The following MYO16 variants were observed in gnomAD, a reference collection of about 807,000 sequenced individuals.
The protein encoded by MYO16 is unconventional myosin-XVI.
A neutral mutation model predicts 205.3 loss-of-function variants in MYO16; 94 were observed. The observed-to-expected ratio is 0.46, with a 90% confidence interval of 0.39 to 0.54. The LOEUF (loss-of-function observed/expected upper bound fraction) is 0.54, where lower values mean the gene tolerates loss of function less well. MYO16 is among the 20% of genes least tolerant of loss of function. The pLI is 0.00. For missense variants in MYO16, 2,315 were observed against 2,387.5 expected (o/e 0.97, Z 0.63); for synonymous variants, 988 against 954.0 (o/e 1.04, Z -0.66).
chr13:108,989,838 A>G (rs1219614126), intron 20 of MYO16, among the ~76,000 whole-genome samples: 1 of 152,142 alleles, frequency 6.6e-6, no homozygotes, highest in Non-Finnish European at 1.5e-5. Context: ...TAATTTTAAT[A>G]AGATTGATAC....
intron 27 of MYO16, among the ~76,000 whole-genome samples, chr13:109,057,832 A>G (rs557390458): frequency 6.6e-6 from 1 of 152,132 alleles, no homozygotes; most frequent in Admixed American, 6.6e-5. Context: ...CCTGGTTTGT[A>G]GCTCCAGAGA....
chr13:108,715,227 G>A (rs940872554), intron 3 of MYO16, among the ~76,000 whole-genome samples: 2 of 152,146 alleles, frequency 1.3e-5, no homozygotes, highest in African/African-American at 2.4e-5. Context: ...CTCTTGCCGG[G>A]TTTCCACCCA....
At chr13:108,925,319 C>G (rs921018251) in intron 16 of MYO16, among the ~76,000 whole-genome samples, 17 of 152,212 alleles carry the variant, frequency 1.1e-4, no homozygotes, top group Middle Eastern at 3.4e-3. Flanking sequence ...AGAGTTAAAC[C>G]GAGCTCCGCC....
intron 32 of MYO16, among the ~76,000 whole-genome samples, chr13:109,142,482 A>C (rs1362909117): frequency 6.6e-6 from 1 of 152,044 alleles, no homozygotes; most frequent in Non-Finnish European, 1.5e-5. Flanking sequence ...AATTGAAAGG[A>C]AAATCATAAT....
intron 9 of MYO16, 48 bp from the exon 10 acceptor site, chr13:108,844,295 A>G (rs1480614028): frequency 2.0e-6 from 3 of 1,520,102 alleles, no homozygotes; most frequent in Admixed American, 3.6e-5. Context: ...TTCGATTGAT[A>G]AAACATTAGA....
rs75867689 is a variant in MYO16 at position 108,925,393 on chromosome 13, T to A, written c.1925+15243T>A. Among the ~76,000 whole-genome samples, 252 of 152,272 alleles carry A rather than the reference T, an allele frequency of 1.7e-3. No individual in the cohort carries two copies. The East Asian group carries it at 0.021, about 13-fold the overall frequency. ...CTCTGAACCTCACCTTTTACTTACT[T>A]GTTGGTAGAGGTAGTATGGATGGTC... is the stretch of plus-strand genomic sequence containing the variant. On this transcript the variant is annotated intron_variant, in intron 16 of 34. Transcript: ENST00000457511.
At chr13:108,644,874 G>C (rs2139386981) in intron 1 of MYO16, among the ~76,000 whole-genome samples, 1 of 152,304 alleles carries the variant, frequency 6.6e-6, no homozygotes, top group East Asian at 1.9e-4. Context: ...AGGATGTTTG[G>C]TTAAGAGTGT....
At chr13:108,632,078 C>CAAAAAAAAAA (rs59971095) in intron 1 of MYO16, among the ~76,000 whole-genome samples, 1 of 67,254 alleles carries the variant, frequency 1.5e-5, no homozygotes, top group Non-Finnish European at 2.8e-5. Flanking sequence ...AACCCCAACT[C>CAAAAAAAAAA]AAAAAAAAAA....
intron 10 of MYO16, among the ~76,000 whole-genome samples, chr13:108,845,161 AT>A (rs1240467311): frequency 4.6e-5 from 7 of 152,286 alleles, no homozygotes; most frequent in Admixed American, 6.5e-5. Context: ...AATTTTTAAT[AT>A]TTTATAGATA....
intron 3 of MYO16, among the ~76,000 whole-genome samples, chr13:108,719,526 G>C (rs556293237): frequency 6.6e-6 from 1 of 152,070 alleles, no homozygotes; most frequent in Non-Finnish European, 1.5e-5. Context: ...TCATCCCCCA[G>C]TTGTAGGTTG....
chr13:108,746,051 G>A (rs970999820), intron 4 of MYO16, among the ~76,000 whole-genome samples: 3 of 151,520 alleles, frequency 2.0e-5, no homozygotes, highest in African/African-American at 7.3e-5. Flanking sequence ...AAATTAGCCA[G>A]GAGTGGTGGC....
chr13:109,137,286 G>C (rs1876822202), intron 31 of MYO16, among the ~76,000 whole-genome samples: 1 of 152,180 alleles, frequency 6.6e-6, no homozygotes, highest in Non-Finnish European at 1.5e-5. Context: ...TAGAAAGCAG[G>C]CAACATCATC....
At chr13:108,609,695 T>C (rs1879100696) in intron 1 of MYO16, among the ~76,000 whole-genome samples, 2 of 152,154 alleles carry the variant, frequency 1.3e-5, no homozygotes, top group Non-Finnish European at 2.9e-5. Context: ...TAAAAGTGAA[T>C]TTTATACAGA....
chr13:108,624,616 A>C (rs1467465989), upstream of MYO16, among the ~76,000 whole-genome samples: 1 of 152,238 alleles, frequency 6.6e-6, no homozygotes, highest in African/African-American at 2.4e-5. Flanking sequence ...GTTCGGATTC[A>C]AGTGAAAAAC....
chr13:108,583,196 A>G, the MYO16 span, among the ~76,000 whole-genome samples: 1 of 152,216 alleles, frequency 6.6e-6, no homozygotes, highest in Non-Finnish European at 1.5e-5. Flanking sequence ...AGCTATGTAG[A>G]ATTCTTTTGC....
At chr13:108,574,351 T>C in the MYO16 span, among the ~76,000 whole-genome samples, 4 of 152,316 alleles carry the variant, frequency 2.6e-5, no homozygotes, top group African/African-American at 9.6e-5. Context: ...TTACCTTTCC[T>C]TTCAGTGAGC....
chr13:108,506,046 C>G, the MYO16 span, among the ~76,000 whole-genome samples: 1 of 152,142 alleles, frequency 6.6e-6, no homozygotes, highest in Non-Finnish European at 1.5e-5. Flanking sequence ...CAGTGCCATA[C>G]TGTCTTGACT....
intron 16 of MYO16, among the ~76,000 whole-genome samples, chr13:108,920,318 C>T (rs1881684568): frequency 6.6e-6 from 1 of 150,768 alleles, no homozygotes; most frequent in Admixed American, 6.6e-5. Context: ...CTTTCTCCTT[C>T]CTTCCTTCTT....
At chr13:108,713,870 ACGTCT>A (rs1883819543) in intron 3 of MYO16, among the ~76,000 whole-genome samples, 5 of 152,160 alleles carry the variant, frequency 3.3e-5, no homozygotes, top group African/African-American at 1.2e-4. Context: ...TGGTTATGAA[ACGTCT>A]CTGTTTTACA....
Sources: gnomAD v4.1 joint callset for allele counts (sites outside exome capture counted in the v4.1 genomes callset) on GRCh38, gnomAD v4.1.1 for gene constraint, MANE v1.5 for transcripts, NCBI Gene and HGNC (gene_info 2026-07-23, HGNC 2026-07-21) for gene names.